KCNK12: variants seen among roughly 807,000 people sequenced by gnomAD.
KCNK12 encodes the protein potassium two pore domain channel subfamily K member 12.
A neutral mutation model predicts 25.3 loss-of-function variants in KCNK12; 6 were observed. That is an observed-to-expected ratio of 0.24 (90% confidence interval 0.13 to 0.47). The LOEUF (loss-of-function observed/expected upper bound fraction) is 0.47, where lower values mean the gene tolerates loss of function less well. Among genes scored for constraint, KCNK12 ranks in the 20% least tolerant of loss-of-function variants. The probability of loss-of-function intolerance (pLI) is 0.99; values close to 1 mark genes in which losing one functional copy is unlikely to be tolerated. For missense variants in KCNK12, 444 were observed against 661.7 expected (o/e 0.67, Z 3.61); for synonymous variants, 331 against 311.1 (o/e 1.06, Z -0.67).
At chr2:47,559,794 G>C (rs949631802) in intron 1 of KCNK12, among the ~76,000 whole-genome samples, 13 of 152,230 alleles carry the variant, frequency 8.5e-5, no homozygotes, top group African/African-American at 3.1e-4. Flanking sequence ...AGGGCAGTAA[G>C]AGGGACTTCA....
rs1669166248 is a variant in KCNK12, at chr2:47,540,203, C to G, written c.392-18395G>C. Among the ~76,000 whole-genome samples, 3 of 152,314 alleles carry G rather than the reference C, an allele frequency of 2.0e-5. No individual in the cohort carries two copies. The South Asian group carries it at 6.2e-4, about 32-fold the overall frequency. On this transcript the variant is annotated intron_variant, in intron 1 of 1. Coordinates refer to ENST00000327876, the MANE Select transcript of KCNK12 (RefSeq NM_022055.2). The surrounding 1 kb of genome is among the most constrained non-coding windows in gnomAD (Gnocchi z 5.4). Reference sequence around the variant, plus strand: ...GGAAGAGAAGGCCTCACCGGGCAGACCTATCTTGGAGAAGATACAAGCAAT... The same window carrying G: ...GGAAGAGAAGGCCTCACCGGGCAGAGCTATCTTGGAGAAGATACAAGCAAT...
intron 1 of KCNK12, chr2:47,535,172 A>G (rs540157362): frequency 4.3e-6 from 1 of 232,080 alleles, no homozygotes; most frequent in Admixed American, 5.6e-5. Context: ...GGCTGCTTCA[A>G]AGGAGGAATA....
chr2:47,563,033 A>G (rs1402530770), intron 1 of KCNK12: 1 of 233,250 alleles, frequency 4.3e-6, no homozygotes, highest in African/African-American at 2.2e-5. Flanking sequence ...GGAATAGACC[A>G]ACGGCCTTTT....
rs72888275 is a variant in KCNK12, at chr2:47,512,691, C to T, written c.*8216G>A. Reference sequence around the variant, plus strand: ...TGCCTCTGAACTCTGCTCTGCATTGCTGAGCAAACTACATTTCCCAGAACT... The same window carrying T: ...TGCCTCTGAACTCTGCTCTGCATTGTTGAGCAAACTACATTTCCCAGAACT... On this transcript the variant is annotated 3_prime_UTR_variant, in exon 2 of 2. Coordinates refer to ENST00000327876, the MANE Select transcript of KCNK12 (RefSeq NM_022055.2). The T allele has an allele frequency of 4.6e-5, 18 of 387,638 alleles. No individual in the cohort carries two copies. The highest frequency in any genetic ancestry group is 3.7e-4 in the African/African-American group (18 of 48,972). The allele number at this position is 387,638 out of a possible 1,614,324, so 24.0% of individuals were successfully genotyped here.
In KCNK12 at chr2:47,540,377, C is replaced by A. The variant is rs1669171898; in HGVS notation, c.392-18569G>T. On this transcript the variant is annotated intron_variant, in intron 1 of 1. Transcript: ENST00000327876. The surrounding 1 kb of genome is among the most constrained non-coding windows in gnomAD (Gnocchi z 5.4). Reference sequence around the variant, plus strand: ...TGGGACGTGAGAGGGCATGGGCTCACCTGCTCAGGGTTTGAATGAGACCCC... The same window carrying A: ...TGGGACGTGAGAGGGCATGGGCTCAACTGCTCAGGGTTTGAATGAGACCCC... 6.6e-6 allele frequency among the ~76,000 whole-genome samples: 1 copy of A among 152,158 alleles called. No individual in the cohort carries two copies. The highest frequency in any genetic ancestry group is 1.5e-5 in the Non-Finnish European group (1 of 68,042).
At position 47,520,826 on chromosome 2, in the gene KCNK12, C is replaced by T; in HGVS notation, c.*81G>A. 1 of 965,846 alleles carries T rather than the reference C, an allele frequency of 1.0e-6. No homozygotes were observed. 59.8% of individuals were successfully genotyped at this position (965,846 alleles called of 1,614,324 possible). ...TTATTGGATAAAGATTAAGAAAGCG[C>T]CAGCAGTGACTGAGAGAAGCAAACC... On this transcript the variant is annotated 3_prime_UTR_variant, in exon 2 of 2. Transcript: ENST00000327876. This position sits in a 1 kb window ranked among gnomAD's most constrained non-coding sequence, Gnocchi z 5.0.
At chr2:47,530,530 A>C (rs910747147) in intron 1 of KCNK12, among the ~76,000 whole-genome samples, 3 of 151,478 alleles carry the variant, frequency 2.0e-5, no homozygotes, top group South Asian at 4.1e-4. Flanking sequence ...AGGGTATAAT[A>C]ACTGCTGTTG....
At position 47,543,655 on chromosome 2, in the gene KCNK12, TG is replaced by T. The variant is rs1314581994; in HGVS notation, c.392-21848del. ...CGAGACATGTGCTCTGCTGGCTCTT[TG>T]GCAGAAAGGGCAGAGTCGGGGATCA... is the stretch of plus-strand genomic sequence containing the variant. On this transcript the variant is annotated intron_variant, in intron 1 of 1. Coordinates refer to ENST00000327876, the MANE Select transcript of KCNK12 (RefSeq NM_022055.2). 3 of 152,240 alleles carry T rather than the reference TG, an allele frequency of 2.0e-5. No individual in the cohort carries two copies. In the East Asian group the frequency reaches 5.8e-4, roughly 29 times the overall value. 9.4% of individuals were successfully genotyped at this position (152,240 alleles called of 1,614,324 possible).
intron 1 of KCNK12, among the ~76,000 whole-genome samples, chr2:47,550,899 C>A (rs1011923727): frequency 6.6e-6 from 1 of 152,106 alleles, no homozygotes; most frequent in Admixed American, 6.5e-5. Context: ...GCTAATGAGT[C>A]CCCACACTTC....
rs957148066 is a variant in KCNK12 at position 47,569,761 on chromosome 2, C to CGGGA, written c.391+176_391+179dup. ...TGGGCTTTCTTCCCTCACTGAAAGC[C>CGGGA]GGGAGGGAGAGAGAGAGAGAGAACG... On this transcript the variant is annotated intron_variant, in intron 1 of 1. Coordinates refer to ENST00000327876, the MANE Select transcript of KCNK12 (RefSeq NM_022055.2). The surrounding 1 kb of genome is among the most constrained non-coding windows in gnomAD (Gnocchi z 4.1). Among the ~76,000 whole-genome samples the CGGGA allele has an allele frequency of 2.0e-5, 3 of 151,920 alleles. No homozygotes were observed. Among genetic ancestry groups the CGGGA allele is most frequent in the Non-Finnish European group, 4.4e-5 (3 of 67,976 alleles).
chr2:47,517,950 T>C lies in KCNK12; in HGVS notation c.*2957A>G, dbSNP rs183794278. The C allele has an allele frequency of 6.6e-6, 1 of 152,048 alleles. No individual in the cohort carries two copies. Among genetic ancestry groups the C allele is most frequent in the Non-Finnish European group, 1.5e-5 (1 of 67,998 alleles). 9.4% of individuals were successfully genotyped at this position (152,048 alleles called of 1,614,324 possible). A position where few individuals can be genotyped will look rare whatever the true frequency, so the allele number is the denominator to read the frequency against. ...AGGTTAGGAAGCAAATCCTGGAGCA[T>C]GAGGAAATTGTAGGCTACAGTGAGC... is the stretch of plus-strand genomic sequence containing the variant. On this transcript the variant is annotated 3_prime_UTR_variant, in exon 2 of 2. Transcript: ENST00000327876. The surrounding 1 kb of genome is among the most constrained non-coding windows in gnomAD (Gnocchi z 4.1).
At chr2:47,552,972 T>C (rs1164244650) in intron 1 of KCNK12, among the ~76,000 whole-genome samples, 2 of 152,168 alleles carry the variant, frequency 1.3e-5, no homozygotes, top group African/African-American at 4.8e-5. Context: ...CTTACCCCTT[T>C]TCTTTTGCTC....
rs935917054 is a variant in KCNK12, at chr2:47,518,059, A to C, written c.*2848T>G. ...GGGAATGGAGCTCTTTCTTGGCCTG[A>C]GGTTCAGAAGAACCTGCACCAAAGA... On this transcript the variant is annotated 3_prime_UTR_variant, in exon 2 of 2. Transcript: ENST00000327876. This position sits in a 1 kb window ranked among gnomAD's most constrained non-coding sequence, Gnocchi z 4.1. The C allele has an allele frequency of 6.6e-6, 1 of 152,158 alleles. No homozygotes were observed. Among genetic ancestry groups the C allele is most frequent in the Non-Finnish European group, 1.5e-5 (1 of 68,040 alleles). 9.4% of individuals were successfully genotyped at this position (152,158 alleles called of 1,614,324 possible).
chr2:47,552,060 G>C (rs1319214488), intron 1 of KCNK12, among the ~76,000 whole-genome samples: 1 of 152,164 alleles, frequency 6.6e-6, no homozygotes, highest in Admixed American at 6.5e-5. Flanking sequence ...ATTTATCAGC[G>C]TGCTGGCTCC....
Position 47,556,597 on chromosome 2 carries a change from C to T in KCNK12, c.391+13344G>A, listed in dbSNP as rs1423272034. 1.3e-5 allele frequency among the ~76,000 whole-genome samples: 2 copies of T among 152,058 alleles called. No individual in the cohort carries two copies. The highest frequency in any genetic ancestry group is 3.2e-3 in the Middle Eastern group (1 of 316). ...ATAGTTTGTTAGCCATATTCAGCTG[C>T]TTGAGGGCAGATGAAGAATACGTGG... On this transcript the variant is annotated intron_variant, in intron 1 of 1. Coordinates refer to ENST00000327876, the MANE Select transcript of KCNK12 (RefSeq NM_022055.2). This position sits in a 1 kb window ranked among gnomAD's most constrained non-coding sequence, Gnocchi z 4.8.
Position 47,521,069 on chromosome 2 carries a change from G to T in KCNK12, c.1131C>A (p.Ser377=). 7.3e-7 allele frequency: 1 copy of T among 1,370,626 alleles called. No homozygotes were observed. The highest frequency in any genetic ancestry group is 9.4e-7 in the Non-Finnish European group (1 of 1,060,306). The allele number at this position is 1,370,626 out of a possible 1,614,324, so 84.9% of individuals were successfully genotyped here. Reference sequence around the variant, plus strand: ...GCAGCAGCGCCAGCGACACCTTGTTGGAGGCCGTGAGGTCGCGCATGGAGA... The same window carrying T: ...GCAGCAGCGCCAGCGACACCTTGTTTGAGGCCGTGAGGTCGCGCATGGAGA... ...ELISMRDLTA[S]NKVSLALLQK... Residue 377 remains serine, a synonymous_variant, in exon 2 of 2, where the codon TCC becomes TCA. Transcript: ENST00000327876.
chr2:47,568,905 A>G (rs993511969), intron 1 of KCNK12, among the ~76,000 whole-genome samples: 1 of 152,094 alleles, frequency 6.6e-6, no homozygotes, highest in Non-Finnish European at 1.5e-5. Flanking sequence ...GCTGCACTCT[A>G]TACAGGTGAG....
rs902363977 is a variant in KCNK12 at position 47,511,526 on chromosome 2, C to A, written c.*9381G>T. Among the ~76,000 whole-genome samples the A allele has an allele frequency of 6.6e-6, 1 of 152,144 alleles. No individual in the cohort carries two copies. The highest frequency in any genetic ancestry group is 1.9e-4 in the East Asian group (1 of 5,202). ...GGGCTTCCATATTACAGAGAGATGCCCACAGTGCATGACGTTACCCGCACA... is the reference window on the plus strand; with the variant it reads ...GGGCTTCCATATTACAGAGAGATGCACACAGTGCATGACGTTACCCGCACA... On this transcript the variant is annotated 3_prime_UTR_variant, in exon 2 of 2. Transcript: ENST00000327876. This position sits in a 1 kb window ranked among gnomAD's most constrained non-coding sequence, Gnocchi z 4.3.
At chr2:47,542,062 T>C (rs772314572) in intron 1 of KCNK12, among the ~76,000 whole-genome samples, 2 of 152,180 alleles carry the variant, frequency 1.3e-5, no homozygotes, top group Non-Finnish European at 2.9e-5. Flanking sequence ...GCTGTGTTTA[T>C]ATTTATCCTG....
Sources: allele counts gnomAD v4.1 joint callset (sites outside exome capture counted in the v4.1 genomes callset), GRCh38; gene constraint gnomAD v4.1.1; non-coding constraint Gnocchi (gnomAD v3.1); transcripts MANE v1.5; gene names NCBI Gene and HGNC (gene_info 2026-07-23, HGNC 2026-07-21).